Variants in CDH4 observed in about 807,000 individuals in gnomAD.
The protein encoded by CDH4 is cadherin-4.
CDH4 carries 33 observed loss-of-function variants against 86.0 expected under a neutral mutation model. The observed-to-expected ratio is 0.38, with a 90% confidence interval of 0.29 to 0.51. The LOEUF (loss-of-function observed/expected upper bound fraction) is 0.51. CDH4 is among the 20% of genes least tolerant of loss of function. The probability of loss-of-function intolerance (pLI) is 0.86; values close to 1 mark genes in which losing one functional copy is unlikely to be tolerated. For synonymous variants in CDH4, 555 were observed against 549.4 expected, an observed-to-expected ratio of 1.01 and a Z score of -0.14; for missense variants, 1,114 against 1,307.4, an observed-to-expected ratio of 0.85 and a Z score of 2.28.
intron 2 of CDH4, among the ~76,000 whole-genome samples, chr20:61,441,705 G>A (rs1042119999): frequency 6.6e-6 from 1 of 152,140 alleles, no homozygotes; most frequent in Non-Finnish European, 1.5e-5. Context: ...GAGAAAACAT[G>A]CCCTCAATAG....
chr20:61,816,382 C>T (rs940322261), intron 4 of CDH4, among the ~76,000 whole-genome samples: 8 of 152,158 alleles, frequency 5.3e-5, no homozygotes, highest in Non-Finnish European at 8.8e-5. Flanking sequence ...AGGAAAAAAG[C>T]GATGGAGAAT....
intron 2 of CDH4, among the ~76,000 whole-genome samples, chr20:61,313,473 A>T (rs556515879): frequency 6.6e-6 from 1 of 152,100 alleles, no homozygotes; most frequent in Non-Finnish European, 1.5e-5. Context: ...TTTGTTTTTC[A>T]TCTAAACAAA....
At chr20:61,300,927 C>G (rs578260125) in intron 2 of CDH4, among the ~76,000 whole-genome samples, 18 of 152,306 alleles carry the variant, frequency 1.2e-4, no homozygotes, top group African/African-American at 4.1e-4. Context: ...CAGCCATGGG[C>G]GGCTGCTCCC....
chr20:61,760,808 G>A (rs913739851), intron 3 of CDH4, among the ~76,000 whole-genome samples: 22 of 152,202 alleles, frequency 1.4e-4, no homozygotes, highest in African/African-American at 5.1e-4. Flanking sequence ...TGCTCGTGGG[G>A]CAGGGAGAGT....
intron 7 of CDH4, among the ~76,000 whole-genome samples, chr20:61,880,490 G>T (rs547522128): frequency 2.2e-4 from 34 of 152,354 alleles, no homozygotes; most frequent in Non-Finnish European, 3.8e-4. Flanking sequence ...CCCAAAAGAA[G>T]AGAAGAGAGG....
chr20:61,540,025 G>A (rs1002684398), intron 2 of CDH4, among the ~76,000 whole-genome samples: 1 of 152,204 alleles, frequency 6.6e-6, no homozygotes, highest in African/African-American at 2.4e-5. Context: ...CACCTGGGAG[G>A]CAATTCGATC....
chr20:61,446,022 A>AAACT (rs1448804097), intron 2 of CDH4, among the ~76,000 whole-genome samples: 1 of 152,232 alleles, frequency 6.6e-6, no homozygotes, highest in African/African-American at 2.4e-5. Flanking sequence ...AACCACAAGG[A>AAACT]AACTGTGGGT....
intron 2 of CDH4, among the ~76,000 whole-genome samples, chr20:61,680,347 A>G (rs1307696435): frequency 6.6e-6 from 1 of 152,200 alleles, no homozygotes; most frequent in Admixed American, 6.5e-5. Context: ...TGGGCTGGGC[A>G]AGGCCCAAAT....
chr20:61,382,360 C>T (rs1437840768), intron 2 of CDH4, among the ~76,000 whole-genome samples: 1 of 152,130 alleles, frequency 6.6e-6, no homozygotes, highest in African/African-American at 2.4e-5. Flanking sequence ...GCGAGAGAGC[C>T]TTATGCCAAG....
intron 2 of CDH4, among the ~76,000 whole-genome samples, chr20:61,286,501 G>T (rs73314958): frequency 1.3e-5 from 2 of 152,156 alleles, no homozygotes; most frequent in African/African-American, 4.8e-5. Flanking sequence ...TGGAGGGGGC[G>T]TGTACGGGTT....
At chr20:61,729,236 G>A (rs566164754) in intron 2 of CDH4, among the ~76,000 whole-genome samples, 1 of 152,284 alleles carries the variant, frequency 6.6e-6, no homozygotes, top group South Asian at 2.1e-4. Flanking sequence ...TGGCGTGAGT[G>A]GGAGGACTTC....
At chr20:61,551,159 A>G (rs1050759244) in intron 2 of CDH4, among the ~76,000 whole-genome samples, 1 of 152,236 alleles carries the variant, frequency 6.6e-6, no homozygotes, top group African/African-American at 2.4e-5. Flanking sequence ...TGCACATGGC[A>G]TGTCATGGGC....
At chr20:61,611,682 A>T (rs947313850) in intron 2 of CDH4, among the ~76,000 whole-genome samples, 2 of 152,080 alleles carry the variant, frequency 1.3e-5, no homozygotes, top group African/African-American at 4.8e-5. Flanking sequence ...GACTTGGCAA[A>T]TGTCTTGGTT....
At chr20:61,932,894 T>G (rs1374610786) in intron 13 of CDH4, 91 bp from the exon 14 acceptor site, 7 of 1,515,656 alleles carry the variant, frequency 4.6e-6, no homozygotes, top group Middle Eastern at 1.7e-4. Context: ...GCCACCTGCA[T>G]GTACATGCCC....
intron 2 of CDH4, among the ~76,000 whole-genome samples, chr20:61,567,253 C>T (rs557422656): frequency 1.3e-5 from 2 of 152,174 alleles, no homozygotes; most frequent in South Asian, 2.1e-4. Flanking sequence ...TAGCTGGGGA[C>T]GGCAGAAGTT....
rs185374949 is a variant in CDH4, at chr20:61,908,758, A to G, written c.1189-1664A>G. Among the ~76,000 whole-genome samples the G allele has an allele frequency of 2.7e-3, 418 of 152,310 alleles. 10 individuals carry two copies. The highest frequency in any genetic ancestry group is 0.025 in the Admixed American group (390 of 15,306). On this transcript the variant is annotated intron_variant, in intron 8 of 15. Transcript: ENST00000614565. ...GAAGACTCTTTCTTACCGAAGGGAC[A>G]GCTGTGCTTCTCAGGCAGCCAGAGG...
chr20:61,614,351 G>A (rs916204035), intron 2 of CDH4, among the ~76,000 whole-genome samples: 5 of 152,136 alleles, frequency 3.3e-5, no homozygotes, highest in Non-Finnish European at 7.3e-5. Context: ...TTGAGCAGGA[G>A]GGCGGGCACC....
intron 2 of CDH4, among the ~76,000 whole-genome samples, chr20:61,447,899 C>T (rs538746951): frequency 4.6e-5 from 7 of 152,252 alleles, no homozygotes; most frequent in South Asian, 2.1e-4. Flanking sequence ...CCAACACTTT[C>T]CCCAGAATTC....
At chr20:61,748,158 A>T (rs992101952) in intron 3 of CDH4, among the ~76,000 whole-genome samples, 3 of 152,096 alleles carry the variant, frequency 2.0e-5, no homozygotes, top group Admixed American at 6.5e-5. Context: ...TTTGAGACAG[A>T]GTCTCGCTCT....
Sources: allele counts gnomAD v4.1 joint callset (sites outside exome capture counted in the v4.1 genomes callset), GRCh38; gene constraint gnomAD v4.1.1; transcripts MANE v1.5; gene names NCBI Gene and HGNC (gene_info 2026-07-23, HGNC 2026-07-21).